Variants in MRPL45 observed in about 807,000 individuals in gnomAD.
MRPL45 encodes the protein mitochondrial ribosomal protein L45.
Under a neutral mutation model 38.1 loss-of-function variants are expected in MRPL45, and 20 were observed. That is an observed-to-expected ratio of 0.53 (90% CI 0.37 to 0.76). The LOEUF is 0.76. MRPL45 is among the 30% of genes least tolerant of loss of function. MRPL45 has a pLI of 0.00. For synonymous variants in MRPL45, 105 were observed against 128.8 expected, an observed-to-expected ratio of 0.82 and a Z score of 1.25; for missense variants, 337 against 395.6, an observed-to-expected ratio of 0.85 and a Z score of 1.26.
intron 4 of MRPL45, among the ~76,000 whole-genome samples, chr17:38,316,045 G>A (rs999931574): frequency 5.3e-5 from 8 of 152,130 alleles, no homozygotes; most frequent in Non-Finnish European, 7.3e-5. Context: ...AAAGTGCTGG[G>A]ATTACAGGTA....
chr17:38,305,784 T>A lies in MRPL45; in HGVS notation c.363-749T>A, dbSNP rs1168912710. Among the ~76,000 whole-genome samples, 34 of 151,828 alleles carry A rather than the reference T, an allele frequency of 2.2e-4. No homozygotes were observed. In the East Asian group the frequency reaches 6.2e-3, roughly 28 times the overall value. The stretch of plus-strand genomic sequence containing the variant: ...CAGCCTCCGGAGTAGCTGGGATTAC[T>A]GGTGTGCACCACCATGCCCAGCTTA... On this transcript the variant is annotated intron_variant, in intron 3 of 7. Coordinates refer to ENST00000613675, the MANE Select transcript of MRPL45 (RefSeq NM_032351.6).
intron 3 of MRPL45, among the ~76,000 whole-genome samples, chr17:38,300,074 G>A (rs948004275): frequency 8.0e-5 from 12 of 149,274 alleles, no homozygotes; most frequent in South Asian, 2.1e-4. Context: ...ATTTTGAGAC[G>A]GAGTTTCACT....
At chr17:38,302,757 C>G (rs974911073) in intron 3 of MRPL45, among the ~76,000 whole-genome samples, 17 of 150,728 alleles carry the variant, frequency 1.1e-4, no homozygotes, top group Admixed American at 1.1e-3. Context: ...TGGAGTCTTG[C>G]TCTGTTACCC....
Position 38,316,737 on chromosome 17 carries a change from CAAAAAAAAAAAAAA to C in MRPL45, c.462-1936_462-1923del, listed in dbSNP as rs61383463. On this transcript the variant is annotated intron_variant, in intron 4 of 7. Coordinates refer to ENST00000613675, the MANE Select transcript of MRPL45 (RefSeq NM_032351.6). ...CAGGCTGGAGGGCAGTGGTGCAATCCAAAAAAAAAAAAAAAAAAAAAAAAAAAGCAAAAGTGTAT... is the reference window on the plus strand; with the variant it reads ...CAGGCTGGAGGGCAGTGGTGCAATCCAAAAAAAAAAAAAGCAAAAGTGTAT... Among the ~76,000 whole-genome samples the C allele has an allele frequency of 7.3e-4, 45 of 61,242 alleles. No homozygotes were observed. In the Admixed American group the frequency reaches 7.7e-3, roughly 11 times the overall value. The allele number at this position is 61,242 out of a possible 152,430, so 40.2% of individuals were successfully genotyped here.
chr17:38,319,335 T>C (rs964562645), intron 5 of MRPL45, among the ~76,000 whole-genome samples: 6 of 151,588 alleles, frequency 4.0e-5, no homozygotes, highest in Non-Finnish European at 7.4e-5. Flanking sequence ...GCACCTGGCC[T>C]AATTTTGTAT....
chr17:38,322,705 C>T lies in MRPL45; in HGVS notation c.*110C>T, dbSNP rs2037244211. ...AGAACTACCTTTGTTCTCTCCCATC[C>T]TGCTCAGGTCTTTTCAGCAGTCTCA... On this transcript the variant is annotated 3_prime_UTR_variant, in exon 8 of 8. Transcript: ENST00000613675. 1.2e-6 allele frequency: 1 copy of T among 802,942 alleles called. No homozygotes were observed. The highest frequency in any genetic ancestry group is 2.0e-6 in the Non-Finnish European group (1 of 508,194). 49.7% of individuals were successfully genotyped at this position (802,942 alleles called of 1,614,324 possible).
intron 3 of MRPL45, among the ~76,000 whole-genome samples, chr17:38,303,488 G>A (rs1432910525): frequency 6.6e-6 from 1 of 151,426 alleles, no homozygotes; most frequent in African/African-American, 2.4e-5. Context: ...TACAGACGGG[G>A]TTTCACCATA....
intron 5 of MRPL45, among the ~76,000 whole-genome samples, chr17:38,319,181 A>G (rs1464618316): frequency 6.6e-6 from 1 of 151,562 alleles, no homozygotes; most frequent in Admixed American, 6.6e-5. Flanking sequence ...GACTACAGGC[A>G]CCCGCCAGCA....
intron 6 of MRPL45, among the ~76,000 whole-genome samples, chr17:38,321,567 C>T (rs867225462): frequency 3.9e-5 from 6 of 151,950 alleles, no homozygotes; most frequent in Admixed American, 1.3e-4. Context: ...GGTGTGTGCC[C>T]GTAGTCCCAC....
intron 4 of MRPL45, among the ~76,000 whole-genome samples, chr17:38,317,413 CAA>C (rs1165285578): frequency 1.3e-5 from 2 of 152,114 alleles, no homozygotes; most frequent in Non-Finnish European, 2.9e-5. Context: ...TCAAAGGGGA[CAA>C]AGAGTTAAAC....
Position 38,304,951 on chromosome 17 carries a change from AT to A in MRPL45, c.363-1580del, listed in dbSNP as rs1463745276. On this transcript the variant is annotated intron_variant, in intron 3 of 7. Coordinates refer to ENST00000613675, the MANE Select transcript of MRPL45 (RefSeq NM_032351.6). ...AACCTCTGCCTCCTGGGTTCAAGTG[AT>A]TCTTCTGCCTCAGTCTCCCGAGTAG... Among the ~76,000 whole-genome samples, 3 of 150,656 alleles carry A rather than the reference AT, an allele frequency of 2.0e-5. No homozygotes were observed. In the East Asian group the frequency reaches 5.9e-4, roughly 30 times the overall value.
Position 38,313,363 on chromosome 17 carries a change from TATACGTATATATATATATATAC to T in MRPL45, c.462-5320_462-5299del, listed in dbSNP as rs2037142773. Among the ~76,000 whole-genome samples, 8 of 18,862 alleles carry T rather than the reference TATACGTATATATATATATATAC, an allele frequency of 4.2e-4. 1 individual carries two copies. Among genetic ancestry groups the T allele is most frequent in the African/African-American group, 1.7e-3 (8 of 4,832 alleles). 12.4% of individuals were successfully genotyped at this position (18,862 alleles called of 152,430 possible). ...ATATATATACGTATATATATATATATATACGTATATATATATATATACATATATATATATATATATGAGAGAT... is the reference window on the plus strand; with the variant it reads ...ATATATATACGTATATATATATATATATATATATATATATATATGAGAGAT... On this transcript the variant is annotated intron_variant, in intron 4 of 7. Transcript: ENST00000613675.
intron 3 of MRPL45, among the ~76,000 whole-genome samples, chr17:38,300,040 C>A: frequency 6.7e-6 from 1 of 149,924 alleles, no homozygotes; most frequent in African/African-American, 2.5e-5. Flanking sequence ...ACGCCCAGCC[C>A]TTTATTTATT....
In MRPL45 at chr17:38,322,314, A is replaced by G. The variant is rs1177647235; in HGVS notation, c.834+15A>G. 2.5e-6 allele frequency: 4 copies of G among 1,609,716 alleles called. No individual in the cohort carries two copies. Among genetic ancestry groups the G allele is most frequent in the East Asian group, 2.2e-5 (1 of 44,560 alleles). ...CCATCCTTAAGGTAAGGTGGCTTGC[A>G]TGGTTTAAGAGAGCTGAGGCACTAC... On this transcript the variant is annotated intron_variant, in intron 7 of 7. Transcript: ENST00000613675.
In MRPL45 at chr17:38,322,548, G is replaced by A; in HGVS notation, c.874G>A (p.Glu292Lys). 1 of 1,613,704 alleles carries A rather than the reference G, an allele frequency of 6.2e-7. No individual in the cohort carries two copies. The highest frequency in any genetic ancestry group is 8.5e-7 in the Non-Finnish European group (1 of 1,179,970). ...TGGCCCTCAGCTGAAACCAGAAGAA[G>A]AATATGAAGAGGCACAAGGAGAGGC... is the stretch of plus-strand genomic sequence containing the variant. ...IPGPQLKPEE[E>K]YEEAQGEAQK... is the part of the protein sequence containing the mutation. The change falls in exon 8 of 8, where the codon GAA (glutamate) becomes AAA (lysine). Residue 292 changes from glutamate (E) to lysine (K), a missense_variant. This residue lies in a region of MRPL45 where 251 missense variants were observed against 269.1 expected (regional missense o/e 0.93). Coordinates refer to ENST00000613675, the MANE Select transcript of MRPL45 (RefSeq NM_032351.6).
chr17:38,322,044 AAGGTTGT>A (rs1204809997), intron 6 of MRPL45, 75 bp from the exon 7 acceptor site: 2 of 1,421,784 alleles, frequency 1.4e-6, no homozygotes, highest in Non-Finnish European at 1.9e-6. Context: ...AAAAAAAAAA[AAGGTTGT>A]ATGGCAATAA....
chr17:38,320,637 A>C lies in MRPL45; in HGVS notation c.530A>C (p.Lys177Thr). The C allele has an allele frequency of 1.2e-6, 2 of 1,614,148 alleles. No homozygotes were observed. Residue 177 changes from lysine (K) to threonine (T), a missense_variant, in exon 6 of 8, where the codon AAA becomes ACA. By Grantham distance (78) the Lys-to-Thr change is moderately conservative. Transcript: ENST00000613675. Reference protein sequence around the residue: ...HCFPDMTWDIKYKTVRWSFVE... With the variant: ...HCFPDMTWDITYKTVRWSFVE... Reference sequence around the variant, plus strand: ...CCTTAGGACATGACTTGGGACATCAAATATAAGACCGTCCGCTGGAGCTTT... The same window carrying C: ...CCTTAGGACATGACTTGGGACATCACATATAAGACCGTCCGCTGGAGCTTT...
At position 38,323,201 on chromosome 17, in the gene MRPL45, GAAATAATTT is replaced by G. The variant is rs2037248586; in HGVS notation, c.*608_*616del. ...TTTTATGGAAAAATATAAATCCAAAGAAATAATTTATCCCTTAGCCTTTGATTGTGTTCT... is the reference window on the plus strand; with the variant it reads ...TTTTATGGAAAAATATAAATCCAAAGATCCCTTAGCCTTTGATTGTGTTCT... On this transcript the variant is annotated 3_prime_UTR_variant, in exon 8 of 8. Transcript: ENST00000613675. 6.6e-6 allele frequency: 1 copy of G among 152,372 alleles called. No individual in the cohort carries two copies. The allele number at this position is 152,372 out of a possible 1,614,324, so 9.4% of individuals were successfully genotyped here.
At chr17:38,322,372 A>G in intron 7 of MRPL45, 73 bp downstream of exon 7, 1 of 1,296,408 alleles carries the variant, frequency 7.7e-7, no homozygotes, top group Non-Finnish European at 1.0e-6. Flanking sequence ...GTCGGGCTCC[A>G]CCTAGTGGCG....
Sources: gnomAD v4.1 joint callset for allele counts (sites outside exome capture counted in the v4.1 genomes callset) on GRCh38, gnomAD v4.1.1 for gene constraint, gnomAD v4.1.1 regional missense constraint, MANE v1.5 for transcripts, NCBI Gene and HGNC (gene_info 2026-07-23, HGNC 2026-07-21) for gene names.